Variants in PCDHA3 observed in about 807,000 individuals in gnomAD.
The protein encoded by PCDHA3 is protocadherin alpha 3, also known as protocadherin alpha-3.
PCDHA3 carries 41 observed loss-of-function variants against 62.2 expected under a neutral mutation model. The observed-to-expected ratio is 0.66, with a 90% CI of 0.51 to 0.86. The LOEUF (loss-of-function observed/expected upper bound fraction) is 0.86, where lower values mean the gene tolerates loss of function less well. Among genes scored for constraint, PCDHA3 ranks in the 40% least tolerant of loss-of-function variants. PCDHA3 has a pLI of 0.00. For synonymous variants in PCDHA3, 640 were observed against 555.4 expected (o/e 1.15, Z -2.14); for missense variants, 1,304 against 1,241.2 (o/e 1.05, Z -0.76).
chr5:140,809,166 C>A, intron 1 of PCDHA3: 2 of 1,613,942 alleles, frequency 1.2e-6, no homozygotes, highest in Non-Finnish European at 1.7e-6. Context: ...CCCGCGCTGA[C>A]GGCCACGGCC....
chr5:140,973,674 T>A (rs782774613), intron 1 of PCDHA3, among the ~76,000 whole-genome samples: 10 of 152,264 alleles, frequency 6.6e-5, no homozygotes, highest in Non-Finnish European at 1.3e-4. Flanking sequence ...GTAGCTTGAA[T>A]GTCATTGGCC....
intron 1 of PCDHA3, chr5:140,884,365 CT>C (rs1264541175): frequency 6.2e-7 from 1 of 1,613,846 alleles, no homozygotes; most frequent in Non-Finnish European, 8.5e-7. Context: ...TCAATGTTTA[CT>C]TGATCATTGC....
At chr5:140,869,843 A>C in intron 1 of PCDHA3, 1 of 1,611,638 alleles carries the variant, frequency 6.2e-7, no homozygotes, top group East Asian at 2.2e-5. Context: ...AAATCAGAAT[A>C]TAAGGTGAGC....
intron 1 of PCDHA3, chr5:140,809,659 C>G: frequency 6.7e-7 from 1 of 1,484,776 alleles, no homozygotes; most frequent in Non-Finnish European, 9.0e-7. Flanking sequence ...AGTCAAATTT[C>G]CCTGGGTTAA....
At chr5:140,809,415 G>T (rs145922941) in intron 1 of PCDHA3, 3 of 1,614,124 alleles carry the variant, frequency 1.9e-6, no homozygotes, top group South Asian at 2.2e-5. Context: ...GTGTGCTCCA[G>T]TGCGGTGGGG....
intron 3 of PCDHA3, among the ~76,000 whole-genome samples, chr5:140,988,042 T>C (rs1365233473): frequency 1.3e-5 from 2 of 152,212 alleles, no homozygotes. Context: ...AGAATCTGTT[T>C]AGGAGCACTG....
At chr5:140,901,033 T>C (rs2153472378) in intron 1 of PCDHA3, among the ~76,000 whole-genome samples, 1 of 152,364 alleles carries the variant, frequency 6.6e-6, no homozygotes, top group South Asian at 2.1e-4. Flanking sequence ...TTCAACTCTT[T>C]TGCCCATTTT....
intron 1 of PCDHA3, chr5:140,830,094 C>A (rs1770810347): frequency 1.2e-6 from 2 of 1,613,470 alleles, no homozygotes; most frequent in Non-Finnish European, 8.5e-7. Flanking sequence ...GTTCTGGTGT[C>A]GCTGGTGGAG....
chr5:140,809,494 C>T lies in PCDHA3; in HGVS notation c.2394+5903C>T, dbSNP rs781910272. 5 of 1,614,118 alleles carry T rather than the reference C, an allele frequency of 3.1e-6. No homozygotes were observed. The South Asian group carries it at 4.4e-5, about 14-fold the overall frequency. ...GTGAGGGCCCACCCAAGACCGACCT[C>T]ATGGCCTTCAGCCCCAGTTTACCTG... On this transcript the variant is annotated intron_variant, in intron 1 of 3. Coordinates refer to ENST00000522353, the MANE Select transcript of PCDHA3 (RefSeq NM_018906.3).
intron 1 of PCDHA3, chr5:140,843,679 C>A (rs2150364894): frequency 1.3e-6 from 2 of 1,589,886 alleles, no homozygotes; most frequent in African/African-American, 1.3e-5. Context: ...TTGATGTAGG[C>A]GAAGAGCAAG....
chr5:140,956,044 T>G (rs1335890349), intron 1 of PCDHA3, among the ~76,000 whole-genome samples: 1 of 152,200 alleles, frequency 6.6e-6, no homozygotes, highest in African/African-American at 2.4e-5. Context: ...AAGAAGCTTT[T>G]GGGCTGAGAC....
intron 1 of PCDHA3, among the ~76,000 whole-genome samples, chr5:140,885,040 T>C (rs2060438917): frequency 6.6e-6 from 1 of 152,226 alleles, no homozygotes; most frequent in African/African-American, 2.4e-5. Context: ...AATTTTTAGT[T>C]TAATGTATAC....
intron 1 of PCDHA3, chr5:140,859,978 C>T (rs1554152894): frequency 6.6e-6 from 1 of 151,802 alleles, no homozygotes. Context: ...TATACAAGTG[C>T]ATTAATCTCT....
At chr5:140,927,533 C>T in intron 1 of PCDHA3, 1 of 1,614,102 alleles carries the variant, frequency 6.2e-7, no homozygotes, top group Non-Finnish European at 8.5e-7. Flanking sequence ...CCTGCCCGCT[C>T]AGGAGACGCA....
intron 1 of PCDHA3, among the ~76,000 whole-genome samples, chr5:140,887,243 C>T (rs950171388): frequency 6.0e-4 from 91 of 152,060 alleles, no homozygotes; most frequent in Non-Finnish European, 1.2e-3. Context: ...ACTACCGGCG[C>T]CCGCCACCAC....
At position 140,801,485 on chromosome 5, in the gene PCDHA3, C is replaced by A. The variant is rs529252017; in HGVS notation, c.288C>A (p.Cys96Ter). 4 of 1,614,078 alleles carry A rather than the reference C, an allele frequency of 2.5e-6. No individual in the cohort carries two copies. In the Admixed American group the frequency reaches 6.7e-5, roughly 27 times the overall value. ...VNSRIDREEL[C>*]GRSAECSIHL... ...CTCGGATAGACCGCGAGGAACTGTG[C>A]GGGCGGAGCGCGGAGTGCAGCATCC... The change falls in exon 1 of 4, where the codon TGC (cysteine) becomes TGA (stop). Residue 96 changes from cysteine (C) to a stop codon, truncating the protein, a stop_gained. Transcript: ENST00000522353. LOFTEE classifies it high-confidence loss of function.
intron 1 of PCDHA3, among the ~76,000 whole-genome samples, chr5:140,896,714 T>C (rs1554187081): frequency 6.6e-6 from 1 of 152,180 alleles, no homozygotes; most frequent in African/African-American, 2.4e-5. Flanking sequence ...TGTTTTTTGC[T>C]TGTTAATTTG....
chr5:140,932,469 A>T (rs1356318037), intron 1 of PCDHA3, among the ~76,000 whole-genome samples: 12 of 152,030 alleles, frequency 7.9e-5, no homozygotes, highest in African/African-American at 2.4e-4. Context: ...TATATAGGAA[A>T]TAGGATATCT....
At chr5:140,980,623 T>C (rs1554242045) in intron 2 of PCDHA3, among the ~76,000 whole-genome samples, 1 of 152,102 alleles carries the variant, frequency 6.6e-6, no homozygotes, top group African/African-American at 2.4e-5. Flanking sequence ...TGCGAGACTC[T>C]GTCTCAGAAG....
Sources: allele counts gnomAD v4.1 joint callset (sites outside exome capture counted in the v4.1 genomes callset), GRCh38; gene constraint gnomAD v4.1.1; transcripts MANE v1.5; gene names NCBI Gene and HGNC (gene_info 2026-07-23, HGNC 2026-07-21).